Variants in ZNF385D observed in about 807,000 individuals in gnomAD.
The protein encoded by ZNF385D is zinc finger protein 385D, also known as zinc finger protein 659.
A neutral mutation model predicts 35.8 loss-of-function variants in ZNF385D; 15 were observed. That is an observed-to-expected ratio of 0.42 (90% CI 0.28 to 0.64). ZNF385D has a LOEUF of 0.64. Among genes scored for constraint, ZNF385D ranks in the 30% least tolerant of loss-of-function variants. The pLI is 0.23. For missense variants in ZNF385D, 474 were observed against 494.6 expected, an observed-to-expected ratio of 0.96 and a Z score of 0.39; for synonymous variants, 212 against 186.8, an observed-to-expected ratio of 1.13 and a Z score of -1.10.
Position 21,425,608 on chromosome 3 carries a change from T to G in ZNF385D, c.736A>C (p.Arg246=). The G allele has an allele frequency of 1.2e-6, 2 of 1,605,844 alleles. No homozygotes were observed. The highest frequency in any genetic ancestry group is 1.7e-6 in the Non-Finnish European group (2 of 1,175,746). Residue 246 remains arginine (R), a synonymous_variant, in exon 6 of 8, where the codon AGG becomes CGG. Coordinates refer to ENST00000281523, the MANE Select transcript of ZNF385D (RefSeq NM_024697.3). ...GGTCCTTTGCCTTTCACTCCTGCCCTAGGAAAGGCTTTGATAGTGCCACTT... is the reference window on the plus strand; with the variant it reads ...GGTCCTTTGCCTTTCACTCCTGCCCGAGGAAAGGCTTTGATAGTGCCACTT... ...NGSGTIKAFP[R]AGVKGKGPVN...
intron 3 of ZNF385D, among the ~76,000 whole-genome samples, chr3:22,144,439 T>C (rs184639647): frequency 9.4e-4 from 142 of 150,926 alleles, no homozygotes; most frequent in African/African-American, 3.3e-3. Flanking sequence ...ATTACCCAGG[T>C]GTGGTGGTGC....
At chr3:22,199,774 G>C (rs1696659258) in intron 2 of ZNF385D, among the ~76,000 whole-genome samples, 1 of 152,050 alleles carries the variant, frequency 6.6e-6, no homozygotes, top group African/African-American at 2.4e-5. Context: ...GCCAAAAACT[G>C]AAGAGAATTA....
intron 3 of ZNF385D, among the ~76,000 whole-genome samples, chr3:22,075,916 T>G (rs1001766475): frequency 6.6e-6 from 1 of 151,972 alleles, no homozygotes. Flanking sequence ...TTCCTTGAGT[T>G]GGATGTCAAT....
At chr3:21,959,116 T>C (rs1016768324) in intron 3 of ZNF385D, among the ~76,000 whole-genome samples, 1 of 152,212 alleles carries the variant, frequency 6.6e-6, no homozygotes, top group Admixed American at 6.6e-5. Flanking sequence ...ATAAATGTCA[T>C]TGCACTTAAA....
chr3:22,058,773 T>G (rs554054783), intron 3 of ZNF385D, among the ~76,000 whole-genome samples: 1 of 152,352 alleles, frequency 6.6e-6, no homozygotes, highest in South Asian at 2.1e-4. Flanking sequence ...GAAGCCAGTC[T>G]GAAATTTTAA....
At chr3:21,543,352 T>G (rs1476159307) in intron 3 of ZNF385D, among the ~76,000 whole-genome samples, 1 of 152,206 alleles carries the variant, frequency 6.6e-6, no homozygotes, top group Admixed American at 6.5e-5. Context: ...CTTTTCATCC[T>G]GCAACTTCTG....
chr3:21,848,306 A>G (rs1401282808), intron 3 of ZNF385D, among the ~76,000 whole-genome samples: 1 of 152,044 alleles, frequency 6.6e-6, no homozygotes, highest in Non-Finnish European at 1.5e-5. Context: ...TACAGTGAAC[A>G]TGGGAGTGGT....
chr3:21,426,218 G>T (rs1701018741), intron 5 of ZNF385D, among the ~76,000 whole-genome samples: 1 of 152,108 alleles, frequency 6.6e-6, no homozygotes, highest in Non-Finnish European at 1.5e-5. Flanking sequence ...CCAAGTGAGA[G>T]TAATAGTATA....
chr3:21,538,024 A>G (rs2062077587), intron 3 of ZNF385D, among the ~76,000 whole-genome samples: 1 of 152,080 alleles, frequency 6.6e-6, no homozygotes, highest in Non-Finnish European at 1.5e-5. Context: ...TTGGAGGTAT[A>G]TGTAACATTC....
chr3:22,230,102 T>A (rs1698798213), intron 2 of ZNF385D, among the ~76,000 whole-genome samples: 1 of 152,170 alleles, frequency 6.6e-6, no homozygotes, highest in African/African-American at 2.4e-5. Context: ...GGGACAACGA[T>A]GAGCCTCCCA....
At chr3:22,342,158 A>T (rs7617083) in intron 2 of ZNF385D, among the ~76,000 whole-genome samples, 63,351 of 150,906 alleles carry the variant, frequency 0.42, 15,815 homozygotes, top group African/African-American at 0.7. Flanking sequence ...GAGCCTGTAG[A>T]CCCAGCTACT....
At chr3:21,459,985 A>G (rs1703064057) in intron 4 of ZNF385D, among the ~76,000 whole-genome samples, 1 of 152,160 alleles carries the variant, frequency 6.6e-6, no homozygotes, top group Admixed American at 6.5e-5. Flanking sequence ...CACAACCATC[A>G]GCCCATGTCA....
At chr3:22,076,275 G>A (rs1461237437) in intron 3 of ZNF385D, among the ~76,000 whole-genome samples, 1 of 151,786 alleles carries the variant, frequency 6.6e-6, no homozygotes, top group Non-Finnish European at 1.5e-5. Context: ...ATTGTGGCCT[G>A]GTCTCTATCT....
intron 2 of ZNF385D, among the ~76,000 whole-genome samples, chr3:22,269,012 C>T (rs1701038271): frequency 6.6e-6 from 1 of 151,898 alleles, no homozygotes; most frequent in Non-Finnish European, 1.5e-5. Flanking sequence ...CATTTTCATA[C>T]ACAATGGTCT....
Position 22,254,410 on chromosome 3 carries a change from C to G in ZNF385D, c.107-85375G>C, listed in dbSNP as rs887445489. Among the ~76,000 whole-genome samples, 3 of 151,840 alleles carry G rather than the reference C, an allele frequency of 2.0e-5. No individual in the cohort carries two copies. In the South Asian group the frequency reaches 6.2e-4, roughly 31 times the overall value. ...GACAGAATCCTGAAGAAAAAACTGACATTTACTATCAGAAATATTTAATCT... is the reference window on the plus strand; with the variant it reads ...GACAGAATCCTGAAGAAAAAACTGAGATTTACTATCAGAAATATTTAATCT... On this transcript the variant is annotated intron_variant, in intron 2 of 5. Transcript: ENST00000494108.
intron 2 of ZNF385D, among the ~76,000 whole-genome samples, chr3:22,224,987 A>G (rs147435850): frequency 7.0e-4 from 107 of 152,254 alleles, no homozygotes; most frequent in African/African-American, 2.4e-3. Flanking sequence ...AAAACACACC[A>G]TGTTCCTAAT....
intron 3 of ZNF385D, among the ~76,000 whole-genome samples, chr3:22,096,793 G>A (rs750381208): frequency 6.6e-6 from 1 of 152,066 alleles, no homozygotes; most frequent in Admixed American, 6.6e-5. Flanking sequence ...GATATCTGCG[G>A]AGTTTTAAAA....
At chr3:21,739,988 C>T (rs1334743420) in intron 1 of ZNF385D, among the ~76,000 whole-genome samples, 3 of 152,172 alleles carry the variant, frequency 2.0e-5, no homozygotes, top group South Asian at 4.1e-4. Flanking sequence ...TGCCCAACTT[C>T]TCCCCAGTCT....
At chr3:21,624,485 G>A (rs750620742) in intron 2 of ZNF385D, among the ~76,000 whole-genome samples, 4 of 152,120 alleles carry the variant, frequency 2.6e-5, no homozygotes, top group Non-Finnish European at 1.5e-5. Flanking sequence ...TGCATTGGGA[G>A]AGACTTAGTT....
Sources: gnomAD v4.1 joint callset for allele counts (sites outside exome capture counted in the v4.1 genomes callset) on GRCh38, gnomAD v4.1.1 for gene constraint, MANE v1.5 for transcripts, NCBI Gene and HGNC (gene_info 2026-07-23, HGNC 2026-07-21) for gene names.